Variants in GALNT18 observed in about 807,000 individuals in gnomAD.
The protein encoded by GALNT18 is polypeptide N-acetylgalactosaminyltransferase 18, also known as GalNAc-transferase 18.
Under a neutral mutation model 69.5 loss-of-function variants are expected in GALNT18, and 44 were observed. The observed-to-expected ratio is 0.63, with a 90% CI of 0.50 to 0.81. GALNT18 has a LOEUF of 0.81. Ranked by LOEUF, GALNT18 falls within the 40% of genes least tolerant of loss-of-function variation. The pLI is 0.00. For missense variants in GALNT18, 715 were observed against 810.0 expected (o/e 0.88, Z 1.42); for synonymous variants, 364 against 318.2 (o/e 1.14, Z -1.53).
Position 11,372,707 on chromosome 11 carries a change from G to T in GALNT18, c.978-78C>A. The T allele has an allele frequency of 9.1e-7, 1 of 1,097,338 alleles. No individual in the cohort carries two copies. The highest frequency in any genetic ancestry group is 1.4e-6 in the Non-Finnish European group (1 of 731,516). The allele number at this position is 1,097,338 out of a possible 1,614,324, so 68.0% of individuals were successfully genotyped here. Reference sequence around the variant, plus strand: ...TAAGAGCAGTAAGGCCTTCCTATCAGGAGGGTCTGGTTCTCTTCCTTCCTT... The same window carrying T: ...TAAGAGCAGTAAGGCCTTCCTATCATGAGGGTCTGGTTCTCTTCCTTCCTT... On this transcript the variant is annotated intron_variant, in intron 5 of 10. Coordinates refer to ENST00000227756, the MANE Select transcript of GALNT18 (RefSeq NM_198516.3). This position sits in a 1 kb window ranked among gnomAD's most constrained non-coding sequence, Gnocchi z 4.9.
intron 3 of GALNT18, among the ~76,000 whole-genome samples, chr11:11,423,115 C>A (rs1855049182): frequency 6.6e-6 from 1 of 152,172 alleles, no homozygotes; most frequent in African/African-American, 2.4e-5. Context: ...CACTCACACA[C>A]AGACACACAA....
Position 11,293,206 on chromosome 11 carries a change from G to A in GALNT18, c.1513-13C>T. On this transcript the variant is annotated splice_polypyrimidine_tract_variant and intron_variant, in intron 9 of 10. Coordinates refer to ENST00000227756, the MANE Select transcript of GALNT18 (RefSeq NM_198516.3). Reference sequence around the variant, plus strand: ...TGTAGTACACGTTCTGGGGGCGGAGGGAGGGAGAGAGTGTGGATAAATGCC... The same window carrying A: ...TGTAGTACACGTTCTGGGGGCGGAGAGAGGGAGAGAGTGTGGATAAATGCC... The A allele has an allele frequency of 7.6e-7, 1 of 1,318,438 alleles. No homozygotes were observed. The highest frequency in any genetic ancestry group is 9.8e-7 in the Non-Finnish European group (1 of 1,024,506). The allele number at this position is 1,318,438 out of a possible 1,614,324, so 81.7% of individuals were successfully genotyped here.
Position 11,290,554 on chromosome 11 carries a change from C to A in GALNT18, c.1677+2475G>T, listed in dbSNP as rs574249955. 3.9e-3 allele frequency among the ~76,000 whole-genome samples: 592 copies of A among 152,336 alleles called. 6 individuals carry two copies. The highest frequency in any genetic ancestry group is 0.013 in the South Asian group (65 of 4,824). On this transcript the variant is annotated intron_variant, in intron 10 of 10. Coordinates refer to ENST00000227756, the MANE Select transcript of GALNT18 (RefSeq NM_198516.3). ...CGGCCACCCCTGACTCCCGGCAGCT[C>A]CCTGAGCACAGCCTGCTTTCGATGT...
Position 11,584,003 on chromosome 11 carries a change from A to C in GALNT18, c.235+37356T>G, listed in dbSNP as rs922658336. On this transcript the variant is annotated intron_variant, in intron 1 of 10. Coordinates refer to ENST00000227756, the MANE Select transcript of GALNT18 (RefSeq NM_198516.3). This position sits in a 1 kb window ranked among gnomAD's most constrained non-coding sequence, Gnocchi z 4.1. The stretch of plus-strand genomic sequence containing the variant: ...AGATGAACTGAATTCTTGTGAGGAC[A>C]TAGGAATTCGAAAAGGAATGGCATC... 6.6e-6 allele frequency among the ~76,000 whole-genome samples: 1 copy of C among 152,178 alleles called. No individual in the cohort carries two copies. Among genetic ancestry groups the C allele is most frequent in the African/African-American group, 2.4e-5 (1 of 41,456 alleles).
rs903980220 is a variant in GALNT18 at position 11,432,479 on chromosome 11, G to A, written c.595+142C>T. On this transcript the variant is annotated intron_variant, in intron 3 of 10. Transcript: ENST00000227756. This position sits in a 1 kb window ranked among gnomAD's most constrained non-coding sequence, Gnocchi z 5.8. ...ACGGAGTGAACCTTCTGAAGCAGTG[G>A]CCACCATGAATTTCTCATCTATGCT... 42 of 822,956 alleles carry A rather than the reference G, an allele frequency of 5.1e-5. 1 individual carries two copies. In the Admixed American group the frequency reaches 6.4e-4, roughly 13 times the overall value. The allele number at this position is 822,956 out of a possible 1,614,324, so 51.0% of individuals were successfully genotyped here. A position where few individuals can be genotyped will look rare whatever the true frequency, so the allele number is the denominator to read the frequency against.
At chr11:11,349,742 T>C (rs1450938249) in intron 6 of GALNT18, among the ~76,000 whole-genome samples, 1 of 152,200 alleles carries the variant, frequency 6.6e-6, no homozygotes, top group Non-Finnish European at 1.5e-5. Context: ...TACTTGGTGT[T>C]CTCCCAGGTT....
intron 1 of GALNT18, among the ~76,000 whole-genome samples, chr11:11,478,796 G>C (rs1280807912): frequency 7.5e-6 from 1 of 134,128 alleles, no homozygotes; most frequent in Non-Finnish European, 1.5e-5. Flanking sequence ...TGCAAGCCGC[G>C]TTTCTCAATT....
chr11:11,537,410 T>C (rs890508709), intron 1 of GALNT18, among the ~76,000 whole-genome samples: 6 of 151,970 alleles, frequency 3.9e-5, no homozygotes, highest in Non-Finnish European at 8.8e-5. Context: ...ATTTAGAAAA[T>C]GTGGTCACCA....
At chr11:11,560,799 G>C (rs1192607606) in intron 1 of GALNT18, among the ~76,000 whole-genome samples, 2 of 152,210 alleles carry the variant, frequency 1.3e-5, no homozygotes, top group African/African-American at 4.8e-5. Flanking sequence ...CCAGGGAGCA[G>C]AATTACTGAG....
chr11:11,588,264 C>T (rs892536722), intron 1 of GALNT18, among the ~76,000 whole-genome samples: 12 of 152,154 alleles, frequency 7.9e-5, no homozygotes, highest in African/African-American at 2.9e-4. Flanking sequence ...CTCCACTCCC[C>T]TATTGGACTG....
chr11:11,516,291 G>A (rs1052663174), intron 1 of GALNT18, among the ~76,000 whole-genome samples: 14 of 152,232 alleles, frequency 9.2e-5, no homozygotes, highest in Non-Finnish European at 2.1e-4. Flanking sequence ...GAATGTTGGA[G>A]CAAAGAAGGC....
At position 11,421,924 on chromosome 11, in the gene GALNT18, G is replaced by C. The variant is rs1855015933; in HGVS notation, c.595+10697C>G. 6.6e-6 allele frequency among the ~76,000 whole-genome samples: 1 copy of C among 152,198 alleles called. No individual in the cohort carries two copies. Among genetic ancestry groups the C allele is most frequent in the Non-Finnish European group, 1.5e-5 (1 of 68,030 alleles). On this transcript the variant is annotated intron_variant, in intron 3 of 10. Transcript: ENST00000227756. This position sits in a 1 kb window ranked among gnomAD's most constrained non-coding sequence, Gnocchi z 5.6. ...GCACAGACTTTATTTTAGCCCCTAC[G>C]TGCCCCTGGCCTGGGTGCCCTGGCA... is the stretch of plus-strand genomic sequence containing the variant.
At chr11:11,394,527 C>T (rs1054543936) in intron 3 of GALNT18, among the ~76,000 whole-genome samples, 1 of 152,178 alleles carries the variant, frequency 6.6e-6, no homozygotes, top group Admixed American at 6.5e-5. Flanking sequence ...AAGAACTTTT[C>T]ATCAATTTCT....
intron 1 of GALNT18, among the ~76,000 whole-genome samples, chr11:11,471,949 T>G (rs536925752): frequency 6.6e-6 from 1 of 152,294 alleles, no homozygotes; most frequent in South Asian, 2.1e-4. Context: ...GAAGAGCTGG[T>G]CAGAGAGTGA....
intron 1 of GALNT18, among the ~76,000 whole-genome samples, chr11:11,615,563 T>C (rs1023785554): frequency 2.0e-5 from 3 of 152,224 alleles, no homozygotes; most frequent in East Asian, 3.8e-4. Context: ...TTTAGATTTA[T>C]TTACTCTCCT....
intron 1 of GALNT18, among the ~76,000 whole-genome samples, chr11:11,554,399 T>A (rs1314512823): frequency 6.6e-6 from 1 of 151,104 alleles, no homozygotes; most frequent in Non-Finnish European, 1.5e-5. Flanking sequence ...CAGGGACACC[T>A]GTAATCTGTC....
intron 3 of GALNT18, among the ~76,000 whole-genome samples, chr11:11,395,813 G>A (rs1008478818): frequency 6.6e-6 from 1 of 152,204 alleles, no homozygotes; most frequent in Non-Finnish European, 1.5e-5. Flanking sequence ...CACGAAGGAT[G>A]GAGAGCAGGC....
At chr11:11,368,160 C>T (rs1265241065) in intron 6 of GALNT18, among the ~76,000 whole-genome samples, 1 of 152,192 alleles carries the variant, frequency 6.6e-6, no homozygotes, top group Admixed American at 6.5e-5. Flanking sequence ...CCCATTGTTA[C>T]AGTTGAAAAG....
In GALNT18 at chr11:11,372,468, C is replaced by A; in HGVS notation, c.1092+47G>T. On this transcript the variant is annotated intron_variant, in intron 6 of 10. Coordinates refer to ENST00000227756, the MANE Select transcript of GALNT18 (RefSeq NM_198516.3). The surrounding 1 kb of genome is among the most constrained non-coding windows in gnomAD (Gnocchi z 4.9). ...TTTCTCCACCCCCAGACTCATTCAC[C>A]CTGGTGGGAGCTGAGCCGAGCAGTT... 6.8e-7 allele frequency: 1 copy of A among 1,468,942 alleles called. No individual in the cohort carries two copies. The highest frequency in any genetic ancestry group is 9.5e-7 in the Non-Finnish European group (1 of 1,047,764). The allele number at this position is 1,468,942 out of a possible 1,614,324, so 91.0% of individuals were successfully genotyped here.
Sources: allele counts gnomAD v4.1 joint callset (sites outside exome capture counted in the v4.1 genomes callset), GRCh38; gene constraint gnomAD v4.1.1; non-coding constraint Gnocchi (gnomAD v3.1); transcripts MANE v1.5; gene names NCBI Gene and HGNC (gene_info 2026-07-23, HGNC 2026-07-21).